Variants in PPP6R2 observed in about 807,000 individuals in gnomAD.
PPP6R2 encodes serine/threonine-protein phosphatase 6 regulatory subunit 2.
Under a neutral mutation model 100.2 loss-of-function variants are expected in PPP6R2, and 62 were observed. The ratio of observed to expected loss-of-function variants is 0.62; its 90% CI spans 0.50 to 0.76. The LOEUF (loss-of-function observed/expected upper bound fraction) is 0.76. PPP6R2 is among the 30% of genes least tolerant of loss of function. The pLI, the probability that PPP6R2 is intolerant of heterozygous loss-of-function variation, is 0.00. For missense variants in PPP6R2, 1,142 were observed against 1,276.3 expected (o/e 0.89, Z 1.60); for synonymous variants, 525 against 514.7 (o/e 1.02, Z -0.27).
At chr22:50,355,045 A>C (rs1017592302) in intron 1 of PPP6R2, among the ~76,000 whole-genome samples, 7 of 150,696 alleles carry the variant, frequency 4.6e-5, no homozygotes, top group Non-Finnish European at 8.9e-5. Context: ...GCCTTGCTCT[A>C]TTGCCCAGGC....
chr22:50,392,340 GAAAA>G (rs34539629), intron 2 of PPP6R2, among the ~76,000 whole-genome samples: 3 of 117,610 alleles, frequency 2.6e-5, no homozygotes, highest in Non-Finnish European at 3.7e-5. Context: ...TGTCTCTACA[GAAAA>G]AAAAAAAAAA....
intron 4 of PPP6R2, among the ~76,000 whole-genome samples, chr22:50,410,857 A>G (rs1224047588): frequency 6.6e-6 from 1 of 152,022 alleles, no homozygotes; most frequent in African/African-American, 2.4e-5. Flanking sequence ...CAGGGGCACA[A>G]TCTCGGCTCA....
At chr22:50,417,232 C>T (rs2060663388) in intron 6 of PPP6R2, among the ~76,000 whole-genome samples, 1 of 152,144 alleles carries the variant, frequency 6.6e-6, no homozygotes, top group Non-Finnish European at 1.5e-5. Context: ...CGAGGCCGCC[C>T]TCAGCATTGC....
intron 3 of PPP6R2, among the ~76,000 whole-genome samples, chr22:50,396,879 G>A (rs991610810): frequency 6.6e-6 from 1 of 152,196 alleles, no homozygotes; most frequent in Admixed American, 6.5e-5. Context: ...TGGGGCAGCT[G>A]CAGCCAGAAG....
intron 12 of PPP6R2, 70 bp downstream of exon 12, chr22:50,432,399 G>T: frequency 7.1e-7 from 1 of 1,406,834 alleles, no homozygotes; most frequent in Non-Finnish European, 9.8e-7. Context: ...CCTCACCCAA[G>T]CCCTGGTGAC....
chr22:50,376,441 A>C (rs190679742), intron 2 of PPP6R2, among the ~76,000 whole-genome samples: 2 of 152,242 alleles, frequency 1.3e-5, no homozygotes, highest in East Asian at 1.9e-4. Flanking sequence ...GTGTGTGAGA[A>C]GGTCTTACTC....
intron 1 of PPP6R2, among the ~76,000 whole-genome samples, chr22:50,351,131 C>G (rs1296400280): frequency 2.1e-5 from 3 of 139,650 alleles, no homozygotes; most frequent in Non-Finnish European, 4.6e-5. Context: ...ACCTAAGCCT[C>G]CCAGGTTCAA....
chr22:50,435,413 G>C (rs756366774), intron 13 of PPP6R2, among the ~76,000 whole-genome samples: 1 of 152,254 alleles, frequency 6.6e-6, no homozygotes, highest in Non-Finnish European at 1.5e-5. Flanking sequence ...AGCTCAGGGA[G>C]CCCTGCCTGG....
intron 4 of PPP6R2, among the ~76,000 whole-genome samples, chr22:50,408,716 T>G (rs183374977): frequency 2.0e-5 from 3 of 152,342 alleles, no homozygotes; most frequent in Admixed American, 2.0e-4. Context: ...CCCCTGCCAC[T>G]TTCGGATATT....
chr22:50,395,701 C>T (rs1421534400), intron 3 of PPP6R2, among the ~76,000 whole-genome samples: 1 of 152,130 alleles, frequency 6.6e-6, no homozygotes, highest in Non-Finnish European at 1.5e-5. Flanking sequence ...GCTGGCACTA[C>T]AGGTGCGTGC....
chr22:50,424,235 G>A (rs540769121), intron 10 of PPP6R2, among the ~76,000 whole-genome samples: 57 of 152,236 alleles, frequency 3.7e-4, no homozygotes, highest in South Asian at 8.3e-4. Flanking sequence ...CGCAGCCCCC[G>A]TCTTCTGCCT....
intron 3 of PPP6R2, among the ~76,000 whole-genome samples, chr22:50,403,019 C>T (rs1293415115): frequency 6.6e-6 from 1 of 152,112 alleles, no homozygotes; most frequent in Non-Finnish European, 1.5e-5. Context: ...TCGAGACCAG[C>T]CTGGCCATCA....
At chr22:50,440,349 A>ATG (rs1371829144) in intron 21 of PPP6R2, among the ~76,000 whole-genome samples, 1 of 152,132 alleles carries the variant, frequency 6.6e-6, no homozygotes, top group Non-Finnish European at 1.5e-5. Context: ...CAGCATTGAG[A>ATG]TGTGTGTGGG....
In PPP6R2 at chr22:50,437,637, G is replaced by A. The variant is rs774200757; in HGVS notation, c.1781+34G>A. On this transcript the variant is annotated intron_variant, in intron 16 of 23. Transcript: ENST00000612753. ...ACTTGGAGCGCACTCTGCACGAGGC[G>A]CGGCTCTCCCTGCTGCTGAGCTCCC... is the stretch of plus-strand genomic sequence containing the variant. 14 of 1,544,216 alleles carry A rather than the reference G, an allele frequency of 9.1e-6. No individual in the cohort carries two copies. In the East Asian group the frequency reaches 1.3e-4, roughly 15 times the overall value.
At chr22:50,410,410 C>T (rs1481108680) in intron 4 of PPP6R2, among the ~76,000 whole-genome samples, 1 of 151,650 alleles carries the variant, frequency 6.6e-6, no homozygotes, top group Non-Finnish European at 1.5e-5. Flanking sequence ...CAGTCTTAAG[C>T]ATCTTTCACT....
At chr22:50,375,082 A>G (rs2051183476) in intron 2 of PPP6R2, among the ~76,000 whole-genome samples, 1 of 152,182 alleles carries the variant, frequency 6.6e-6, no homozygotes, top group African/African-American at 2.4e-5. Context: ...GCATGAATGG[A>G]AGCCAGTAGA....
chr22:50,375,997 T>A (rs1429105860), intron 2 of PPP6R2, among the ~76,000 whole-genome samples: 3 of 151,882 alleles, frequency 2.0e-5, no homozygotes, highest in Middle Eastern at 3.2e-3. Context: ...TGTGTCCGGC[T>A]AATTTTTGTA....
chr22:50,438,856 G>A (rs2064971306), intron 19 of PPP6R2, 94 bp downstream of exon 19: 3 of 1,272,928 alleles, frequency 2.4e-6, no homozygotes, highest in Non-Finnish European at 3.2e-6. Flanking sequence ...TTGGAGCTGA[G>A]GCATTTGGGG....
chr22:50,422,963 T>C (rs1376622387), intron 9 of PPP6R2, among the ~76,000 whole-genome samples: 1 of 152,068 alleles, frequency 6.6e-6, no homozygotes, highest in African/African-American at 2.4e-5. Context: ...GAAGAGAAGG[T>C]AGGTGCAGTA....
Sources: allele counts gnomAD v4.1 joint callset (sites outside exome capture counted in the v4.1 genomes callset), GRCh38; gene constraint gnomAD v4.1.1; transcripts MANE v1.5; gene names NCBI Gene and HGNC (gene_info 2026-07-23, HGNC 2026-07-21).